SH2D4B: variants seen among roughly 807,000 people sequenced by gnomAD.
SH2D4B encodes the protein SH2 domain containing 4B.
A neutral mutation model predicts 61.5 loss-of-function variants in SH2D4B; 45 were observed. That is an observed-to-expected ratio of 0.73 (90% CI 0.58 to 0.94). SH2D4B has a LOEUF of 0.94. Ranked by LOEUF, SH2D4B falls within the 40% of genes least tolerant of loss-of-function variation. The pLI, the probability that SH2D4B is intolerant of heterozygous loss-of-function variation, is 0.00. For synonymous variants in SH2D4B, 224 were observed against 220.4 expected, an observed-to-expected ratio of 1.02 and a Z score of -0.14; for missense variants, 572 against 574.2, an observed-to-expected ratio of 1.00 and a Z score of 0.04.
intron 2 of SH2D4B, 26 bp downstream of exon 2, chr10:80,570,342 T>C (rs770816470): frequency 3.1e-6 from 5 of 1,610,494 alleles, no homozygotes; most frequent in Non-Finnish European, 4.2e-6. Context: ...GGGTGTTGGG[T>C]GGGGCCTAGG....
chr10:80,598,239 C>T (rs1842408628), intron 4 of SH2D4B, among the ~76,000 whole-genome samples: 1 of 152,158 alleles, frequency 6.6e-6, no homozygotes, highest in Admixed American at 6.5e-5. Flanking sequence ...GAGGAAGTAA[C>T]AGTGCTTTCT....
At chr10:80,601,272 G>C (rs1842449644) in intron 4 of SH2D4B, among the ~76,000 whole-genome samples, 1 of 152,176 alleles carries the variant, frequency 6.6e-6, no homozygotes, top group Non-Finnish European at 1.5e-5. Flanking sequence ...TCCTGTGATG[G>C]CTGCTGGCTC....
intron 6 of SH2D4B, 90 bp downstream of exon 6, chr10:80,609,641 A>G: frequency 6.3e-7 from 1 of 1,581,508 alleles, no homozygotes; most frequent in Non-Finnish European, 8.6e-7. Flanking sequence ...GGACAGTTAT[A>G]ATCAGGGGGC....
At chr10:80,609,078 C>T (rs1222902205) in intron 5 of SH2D4B, among the ~76,000 whole-genome samples, 1 of 152,216 alleles carries the variant, frequency 6.6e-6, no homozygotes, top group Non-Finnish European at 1.5e-5. Context: ...TTCTTTCCCT[C>T]AGACACCCCC....
At chr10:80,633,831 G>A (rs1273697352) in intron 6 of SH2D4B, among the ~76,000 whole-genome samples, 1 of 152,138 alleles carries the variant, frequency 6.6e-6, no homozygotes, top group Non-Finnish European at 1.5e-5. Context: ...CTATTTTTAG[G>A]TGCTTATTTA....
Position 80,645,002 on chromosome 10 carries a change from T to G in SH2D4B, c.*917T>G, listed in dbSNP as rs189844604. 9.8e-4 allele frequency: 149 copies of G among 152,292 alleles called. No individual in the cohort carries two copies. Among genetic ancestry groups the G allele is most frequent in the African/African-American group, 3.5e-3 (145 of 41,566 alleles). 9.4% of individuals were successfully genotyped at this position (152,292 alleles called of 1,614,324 possible). ...ACTCACGCAATAACTCCTCGATAACTCTCAGTGATGGTATCTGTTGGTGCA... is the reference window on the plus strand; with the variant it reads ...ACTCACGCAATAACTCCTCGATAACGCTCAGTGATGGTATCTGTTGGTGCA... On this transcript the variant is annotated 3_prime_UTR_variant, in exon 8 of 8. Coordinates refer to ENST00000646907, the MANE Select transcript of SH2D4B (RefSeq NM_001388272.1).
chr10:80,639,647 A>C (rs746567517), intron 7 of SH2D4B, among the ~76,000 whole-genome samples: 3 of 152,134 alleles, frequency 2.0e-5, no homozygotes, highest in Non-Finnish European at 4.4e-5. Flanking sequence ...ATCGTCCTTC[A>C]TCTCTTTATT....
At chr10:80,604,618 G>T (rs1430647536) in intron 5 of SH2D4B, among the ~76,000 whole-genome samples, 1 of 151,902 alleles carries the variant, frequency 6.6e-6, no homozygotes, top group Non-Finnish European at 1.5e-5. Context: ...TGCAGTCTAG[G>T]GACAGTTGAT....
At chr10:80,626,289 C>T (rs747821262) in intron 6 of SH2D4B, among the ~76,000 whole-genome samples, 1 of 151,370 alleles carries the variant, frequency 6.6e-6, no homozygotes, top group Non-Finnish European at 1.5e-5. Context: ...ATTTTTCTCT[C>T]AGCATACTTG....
intron 4 of SH2D4B, among the ~76,000 whole-genome samples, chr10:80,601,524 C>T (rs573505702): frequency 2.1e-4 from 32 of 152,282 alleles, no homozygotes; most frequent in Admixed American, 7.8e-4. Flanking sequence ...AAATACGTAT[C>T]GCCTGCCGAC....
At chr10:80,606,644 G>A (rs903732679) in intron 5 of SH2D4B, among the ~76,000 whole-genome samples, 3 of 152,104 alleles carry the variant, frequency 2.0e-5, no homozygotes, top group South Asian at 2.1e-4. Flanking sequence ...CACTGTGCCC[G>A]GCCTGTTACA....
rs185690833 is a variant in SH2D4B, at chr10:80,614,874, G to A, written c.988+5323G>A. On this transcript the variant is annotated intron_variant, in intron 6 of 7. Coordinates refer to ENST00000646907, the MANE Select transcript of SH2D4B (RefSeq NM_001388272.1). Reference sequence around the variant, plus strand: ...GGATGTTCTCCACCCTGTGACTGTCGGACTTCACCTTGCTCATTTCTCCGT... The same window carrying A: ...GGATGTTCTCCACCCTGTGACTGTCAGACTTCACCTTGCTCATTTCTCCGT... Among the ~76,000 whole-genome samples the A allele has an allele frequency of 1.4e-4, 22 of 152,332 alleles. No individual in the cohort carries two copies. In the East Asian group the frequency reaches 2.3e-3, roughly 16 times the overall value.
At chr10:80,546,950 T>C (rs1406407035) in intron 1 of SH2D4B, among the ~76,000 whole-genome samples, 1 of 152,228 alleles carries the variant, frequency 6.6e-6, no homozygotes, top group Non-Finnish European at 1.5e-5. Context: ...TCCCCATGGT[T>C]TTGTTGGTGT....
chr10:80,542,585 A>G (rs940491451), intron 1 of SH2D4B, among the ~76,000 whole-genome samples: 3 of 151,772 alleles, frequency 2.0e-5, no homozygotes, highest in African/African-American at 7.3e-5. Flanking sequence ...TAATAGAGAC[A>G]TGGTTTCATC....
chr10:80,625,990 T>C (rs1199213491), intron 6 of SH2D4B, among the ~76,000 whole-genome samples: 1 of 152,258 alleles, frequency 6.6e-6, no homozygotes, highest in Non-Finnish European at 1.5e-5. Context: ...TTGAAACTCC[T>C]ACTCCCTACT....
chr10:80,565,124 C>T (rs1040116106), intron 1 of SH2D4B, among the ~76,000 whole-genome samples: 4 of 152,192 alleles, frequency 2.6e-5, no homozygotes, highest in African/African-American at 9.7e-5. Context: ...GCCAAGACTC[C>T]CCTGTTGTTA....
rs899409731 is a variant in SH2D4B, at chr10:80,571,419, C to A, written c.348-12C>A. On this transcript the variant is annotated splice_polypyrimidine_tract_variant and intron_variant, in intron 2 of 7. Coordinates refer to ENST00000646907, the MANE Select transcript of SH2D4B (RefSeq NM_001388272.1). Reference sequence around the variant, plus strand: ...TTCACACAAGCTTATACCTGTGGTGCTCTCTTGGTAGGAGACAGAAGGAGG... The same window carrying A: ...TTCACACAAGCTTATACCTGTGGTGATCTCTTGGTAGGAGACAGAAGGAGG... 1.2e-6 allele frequency: 2 copies of A among 1,613,130 alleles called. No individual in the cohort carries two copies. The highest frequency in any genetic ancestry group is 1.7e-6 in the Non-Finnish European group (2 of 1,179,544).
chr10:80,644,963 A>G lies in SH2D4B; in HGVS notation c.*878A>G. The G allele has an allele frequency of 6.6e-6, 1 of 152,216 alleles. No individual in the cohort carries two copies. Among genetic ancestry groups the G allele is most frequent in the East Asian group, 1.9e-4 (1 of 5,196 alleles). The allele number at this position is 152,216 out of a possible 1,614,324, so 9.4% of individuals were successfully genotyped here. A position where few individuals can be genotyped will look rare whatever the true frequency, so the allele number is the denominator to read the frequency against. On this transcript the variant is annotated 3_prime_UTR_variant, in exon 8 of 8. Coordinates refer to ENST00000646907, the MANE Select transcript of SH2D4B (RefSeq NM_001388272.1). ...TCAACTTAATCTCAGTATGTTGCTT[A>G]TATTAACAAGAAGACTCACGCAATA...
At chr10:80,643,108 C>A (rs985276638) in intron 7 of SH2D4B, 2 of 152,560 alleles carry the variant, frequency 1.3e-5, no homozygotes, top group African/African-American at 2.4e-5. Context: ...ATGTGTCTTT[C>A]TTTTTGATGT....
Sources: allele counts gnomAD v4.1 joint callset (sites outside exome capture counted in the v4.1 genomes callset), GRCh38; gene constraint gnomAD v4.1.1; transcripts MANE v1.5; gene names NCBI Gene and HGNC (gene_info 2026-07-23, HGNC 2026-07-21).